The following PPARGC1A variants were observed in gnomAD, a reference collection of about 807,000 sequenced individuals.
PPARGC1A encodes peroxisome proliferator-activated receptor gamma coactivator 1-alpha.
Under a neutral mutation model 88.7 loss-of-function variants are expected in PPARGC1A, and 25 were observed. The observed-to-expected ratio is 0.28, with a 90% CI of 0.21 to 0.39. The LOEUF (loss-of-function observed/expected upper bound fraction) is 0.39. Among genes scored for constraint, PPARGC1A ranks in the 10% least tolerant of loss-of-function variants. The pLI is 1.00. For synonymous variants in PPARGC1A, 363 were observed against 355.6 expected (o/e 1.02, Z -0.24); for missense variants, 880 against 968.7 (o/e 0.91, Z 1.22).
chr4:24,399,902 C>T, the PPARGC1A span, among the ~76,000 whole-genome samples: 1 of 151,870 alleles, frequency 6.6e-6, no homozygotes, highest in African/African-American at 2.4e-5. Flanking sequence ...AATTCTGCCT[C>T]AGCCTCCTGA....
At chr4:23,970,238 C>T in the PPARGC1A span, among the ~76,000 whole-genome samples, 2 of 152,108 alleles carry the variant, frequency 1.3e-5, no homozygotes, top group Non-Finnish European at 2.9e-5. Context: ...TAGTAGCAAC[C>T]CTTTGGTAAG....
At chr4:24,414,739 G>A in the PPARGC1A span, among the ~76,000 whole-genome samples, 1 of 152,332 alleles carries the variant, frequency 6.6e-6, no homozygotes, top group South Asian at 2.1e-4. Flanking sequence ...AGCCAAAGTT[G>A]TTAGGTACAA....
chr4:24,113,751 T>G, the PPARGC1A span, among the ~76,000 whole-genome samples: 7 of 152,050 alleles, frequency 4.6e-5, no homozygotes, highest in Non-Finnish European at 1.0e-4. Context: ...ACACTTAGTG[T>G]GAAGATGTGA....
intron 7 of PPARGC1A, among the ~76,000 whole-genome samples, chr4:23,817,020 C>T (rs761827690): frequency 2.9e-4 from 44 of 152,324 alleles, no homozygotes; most frequent in Non-Finnish European, 5.6e-4. Context: ...AGATGCTTCA[C>T]AGGCCACATC....
At chr4:24,339,142 C>G in the PPARGC1A span, among the ~76,000 whole-genome samples, 2 of 149,424 alleles carry the variant, frequency 1.3e-5, no homozygotes, top group Admixed American at 1.3e-4. Context: ...ATATTTGTTC[C>G]TTGTGTGTCT....
chr4:24,325,237 A>G, the PPARGC1A span, among the ~76,000 whole-genome samples: 4 of 152,134 alleles, frequency 2.6e-5, no homozygotes. Flanking sequence ...TTCTCAATAT[A>G]CATTTTATTA....
the PPARGC1A span, among the ~76,000 whole-genome samples, chr4:24,069,761 G>A: frequency 3.3e-5 from 5 of 152,218 alleles, no homozygotes; most frequent in African/African-American, 1.2e-4. Flanking sequence ...AGCTGAGGGA[G>A]GAGGAATTTG....
chr4:24,354,690 T>C, the PPARGC1A span, among the ~76,000 whole-genome samples: 1 of 152,136 alleles, frequency 6.6e-6, no homozygotes, highest in African/African-American at 2.4e-5. Flanking sequence ...ATCAAGACCA[T>C]ACTGGCTAAC....
the PPARGC1A span, among the ~76,000 whole-genome samples, chr4:24,186,380 G>A: frequency 3.9e-5 from 6 of 152,220 alleles, no homozygotes; most frequent in East Asian, 3.9e-4. Context: ...CCTCCCATGA[G>A]TCAGGATCTT....
chr4:24,073,382 A>G, the PPARGC1A span, among the ~76,000 whole-genome samples: 3 of 152,170 alleles, frequency 2.0e-5, no homozygotes, highest in Non-Finnish European at 4.4e-5. Context: ...CTCAATGATC[A>G]AAGATTTTTA....
chr4:24,237,059 C>T, the PPARGC1A span, among the ~76,000 whole-genome samples: 1 of 152,154 alleles, frequency 6.6e-6, no homozygotes, highest in Non-Finnish European at 1.5e-5. Context: ...TGTAAATTCA[C>T]TCCATTTCCA....
the PPARGC1A span, among the ~76,000 whole-genome samples, chr4:24,095,353 G>A: frequency 6.6e-6 from 1 of 152,102 alleles, no homozygotes; most frequent in Non-Finnish European, 1.5e-5. Flanking sequence ...CTGACCTCAA[G>A]TGATCTGCCC....
At chr4:23,869,608 C>T (rs1212873950) in intron 2 of PPARGC1A, among the ~76,000 whole-genome samples, 1 of 124,464 alleles carries the variant, frequency 8.0e-6, no homozygotes, top group Non-Finnish European at 1.6e-5. Context: ...ATCTTAATGA[C>T]TGTTTTGAAA....
chr4:24,061,385 A>C, the PPARGC1A span, among the ~76,000 whole-genome samples: 1 of 152,232 alleles, frequency 6.6e-6, no homozygotes, highest in African/African-American at 2.4e-5. Context: ...GCGAAGGAGA[A>C]CGCTAAGAAA....
chr4:24,092,450 T>G, the PPARGC1A span, among the ~76,000 whole-genome samples: 1 of 152,192 alleles, frequency 6.6e-6, no homozygotes, highest in African/African-American at 2.4e-5. Context: ...TGGGAATTTT[T>G]TTAATGCTCT....
chr4:24,193,542 A>G, the PPARGC1A span, among the ~76,000 whole-genome samples: 18 of 152,074 alleles, frequency 1.2e-4, no homozygotes, highest in Admixed American at 3.9e-4. Flanking sequence ...CAGGATCTGA[A>G]AATCTGACTG....
chr4:23,939,256 T>A, the PPARGC1A span, among the ~76,000 whole-genome samples: 1 of 152,114 alleles, frequency 6.6e-6, no homozygotes. Flanking sequence ...ATAGTAAACA[T>A]ATTAAAATCC....
chr4:23,978,559 C>T, the PPARGC1A span, among the ~76,000 whole-genome samples: 1 of 152,152 alleles, frequency 6.6e-6, no homozygotes, highest in Non-Finnish European at 1.5e-5. Context: ...AAGCATCTGA[C>T]AGCACTATTT....
At chr4:23,969,948 CCA>C in the PPARGC1A span, among the ~76,000 whole-genome samples, 4 of 152,126 alleles carry the variant, frequency 2.6e-5, no homozygotes, top group African/African-American at 9.7e-5. Context: ...TTTCCATTTC[CCA>C]CAGAGATGAA....
Sources: gnomAD v4.1 joint callset for allele counts (sites outside exome capture counted in the v4.1 genomes callset) on GRCh38, gnomAD v4.1.1 for gene constraint, MANE v1.5 for transcripts, NCBI Gene and HGNC (gene_info 2026-07-23, HGNC 2026-07-21) for gene names.